SLC24A2: variants seen among roughly 807,000 people sequenced by gnomAD.
SLC24A2 encodes the protein solute carrier family 24 member 2, also known as sodium/potassium/calcium exchanger 2.
Under a neutral mutation model 62.0 loss-of-function variants are expected in SLC24A2, and 36 were observed. The ratio of observed to expected loss-of-function variants is 0.58; its 90% CI spans 0.44 to 0.77. The LOEUF is 0.77. Among genes scored for constraint, SLC24A2 ranks in the 30% least tolerant of loss-of-function variants. The pLI, the probability that SLC24A2 is intolerant of heterozygous loss-of-function variation, is 0.00. For synonymous variants in SLC24A2, 358 were observed against 294.0 expected (o/e 1.22, Z -2.23); for missense variants, 846 against 817.9 (o/e 1.03, Z -0.42).
At chr9:20,028,908 G>A in the SLC24A2 span, among the ~76,000 whole-genome samples, 1 of 152,072 alleles carries the variant, frequency 6.6e-6, no homozygotes, top group Non-Finnish European at 1.5e-5. Flanking sequence ...AAAATACACC[G>A]TGTTTAGTCT....
the SLC24A2 span, among the ~76,000 whole-genome samples, chr9:20,135,515 T>C: frequency 1.3e-5 from 2 of 152,070 alleles, no homozygotes; most frequent in Non-Finnish European, 2.9e-5. Context: ...CTATCTGCAA[T>C]ATGAAGATAA....
the SLC24A2 span, among the ~76,000 whole-genome samples, chr9:20,101,411 T>C: frequency 2.0e-5 from 3 of 152,366 alleles, no homozygotes; most frequent in Non-Finnish European, 4.4e-5. Flanking sequence ...CTATATAGTG[T>C]CTATTAGTGG....
the SLC24A2 span, among the ~76,000 whole-genome samples, chr9:19,849,600 C>A: frequency 1.3e-5 from 2 of 152,098 alleles, no homozygotes; most frequent in Non-Finnish European, 2.9e-5. Flanking sequence ...AAATGAAATG[C>A]ATTATTGTAA....
chr9:19,814,234 C>T, the SLC24A2 span, among the ~76,000 whole-genome samples: 4 of 151,918 alleles, frequency 2.6e-5, no homozygotes, highest in African/African-American at 9.7e-5. Context: ...TGACAATATG[C>T]CAAATAAAAA....
At chr9:20,193,401 A>G in the SLC24A2 span, among the ~76,000 whole-genome samples, 1 of 152,096 alleles carries the variant, frequency 6.6e-6, no homozygotes, top group African/African-American at 2.4e-5. Context: ...AAGAAGAAAA[A>G]GAAAAGCAAG....
At chr9:20,258,860 CT>C in the SLC24A2 span, among the ~76,000 whole-genome samples, 94 of 146,722 alleles carry the variant, frequency 6.4e-4, no homozygotes, top group Middle Eastern at 3.5e-3. Context: ...TATCTAATGT[CT>C]ATCTATCCAT....
chr9:20,019,155 A>AAGAAAGAGAGAG, the SLC24A2 span, among the ~76,000 whole-genome samples: 504 of 117,148 alleles, frequency 4.3e-3, 15 homozygotes, highest in Middle Eastern at 8.5e-3. Context: ...GAAAGAAAGA[A>AAGAAAGAGAGAG]AGAGAGAGAG....
intron 7 of SLC24A2, among the ~76,000 whole-genome samples, chr9:19,565,843 T>A (rs1427853342): frequency 1.3e-5 from 2 of 151,864 alleles, no homozygotes; most frequent in Non-Finnish European, 2.9e-5. Flanking sequence ...TTGACAAACA[T>A]GACAAAAACA....
At chr9:20,194,036 G>T in the SLC24A2 span, among the ~76,000 whole-genome samples, 1 of 152,008 alleles carries the variant, frequency 6.6e-6, no homozygotes. Context: ...TTAACACATG[G>T]TTAAATGAGG....
chr9:19,900,241 G>T, the SLC24A2 span, among the ~76,000 whole-genome samples: 1 of 152,198 alleles, frequency 6.6e-6, no homozygotes, highest in East Asian at 1.9e-4. Context: ...TGATGTGTGT[G>T]ATAAATGGCA....
chr9:19,994,041 CAGA>C, the SLC24A2 span, among the ~76,000 whole-genome samples: 1 of 152,152 alleles, frequency 6.6e-6, no homozygotes, highest in Non-Finnish European at 1.5e-5. Context: ...AAGTAGATTG[CAGA>C]AGTTCACATA....
the SLC24A2 span, among the ~76,000 whole-genome samples, chr9:20,277,836 C>T: frequency 1.1e-4 from 16 of 152,234 alleles, no homozygotes; most frequent in African/African-American, 3.9e-4. Flanking sequence ...GGAACCAACC[C>T]GAATGTCCAT....
chr9:20,163,561 G>A, the SLC24A2 span, among the ~76,000 whole-genome samples: 2 of 152,132 alleles, frequency 1.3e-5, no homozygotes, highest in East Asian at 1.9e-4. Flanking sequence ...ACTGCCCAAG[G>A]TAATTTACAG....
At chr9:20,178,333 G>C in the SLC24A2 span, among the ~76,000 whole-genome samples, 2 of 152,172 alleles carry the variant, frequency 1.3e-5, no homozygotes, top group African/African-American at 4.8e-5. Flanking sequence ...GTGCTAGACT[G>C]CTGTCTGCCT....
At chr9:20,042,837 G>A in the SLC24A2 span, among the ~76,000 whole-genome samples, 33,748 of 152,104 alleles carry the variant, frequency 0.22, 4,558 homozygotes, top group African/African-American at 0.39. Flanking sequence ...TGTTGTGGTG[G>A]TCTGTGACCA....
At chr9:20,048,683 G>T in the SLC24A2 span, among the ~76,000 whole-genome samples, 1 of 151,822 alleles carries the variant, frequency 6.6e-6, no homozygotes, top group Admixed American at 6.6e-5. Context: ...GGGAAATACC[G>T]ATTCATTCAG....
At chr9:19,756,909 T>TTTTTTTC (rs1822158890) in intron 2 of SLC24A2, among the ~76,000 whole-genome samples, 1 of 135,506 alleles carries the variant, frequency 7.4e-6, no homozygotes, top group Non-Finnish European at 1.6e-5. Context: ...GAAGCTTTTT[T>TTTTTTTC]TTTTTTTTTT....
the SLC24A2 span, among the ~76,000 whole-genome samples, chr9:19,920,328 T>G: frequency 2.0e-5 from 3 of 152,206 alleles, no homozygotes; most frequent in Non-Finnish European, 4.4e-5. Flanking sequence ...ACGGAGTTAG[T>G]TTTTGGACAA....
chr9:20,123,707 G>T, the SLC24A2 span, among the ~76,000 whole-genome samples: 12 of 151,908 alleles, frequency 7.9e-5, no homozygotes, highest in African/African-American at 2.9e-4. Flanking sequence ...AATTAACAGT[G>T]GTAATTATCA....
Sources: gnomAD v4.1 joint callset for allele counts (sites outside exome capture counted in the v4.1 genomes callset) on GRCh38, gnomAD v4.1.1 for gene constraint, MANE v1.5 for transcripts, NCBI Gene and HGNC (gene_info 2026-07-23, HGNC 2026-07-21) for gene names.